NEDD4: variants seen among roughly 807,000 people sequenced by gnomAD.
The protein encoded by NEDD4 is NEDD4 E3 ubiquitin protein ligase, also known as E3 ubiquitin-protein ligase NEDD4.
NEDD4 carries 99 observed loss-of-function variants against 144.9 expected under a neutral mutation model. That is an observed-to-expected ratio of 0.68 (90% CI 0.58 to 0.81). The LOEUF (loss-of-function observed/expected upper bound fraction) is 0.81. Ranked by LOEUF, NEDD4 falls within the 30% of genes least tolerant of loss-of-function variation. The probability of loss-of-function intolerance (pLI) is 0.00; values close to 1 mark genes in which losing one functional copy is unlikely to be tolerated. For missense variants in NEDD4, 985 were observed against 1,065.9 expected, an observed-to-expected ratio of 0.92 and a Z score of 1.06; for synonymous variants, 318 against 350.6, an observed-to-expected ratio of 0.91 and a Z score of 1.04.
chr15:55,985,427 C>T (rs555821693), intron 1 of NEDD4, among the ~76,000 whole-genome samples: 49 of 152,138 alleles, frequency 3.2e-4, no homozygotes, highest in Non-Finnish European at 5.7e-4. Flanking sequence ...GAGGGGAGGA[C>T]GGCGTTGCAC....
intron 19 of NEDD4, 67 bp from the exon 20 acceptor site, chr15:55,840,794 A>G (rs781246887): frequency 6.8e-7 from 1 of 1,480,552 alleles, no homozygotes; most frequent in Non-Finnish European, 9.3e-7. Context: ...ATTACAAATA[A>G]TCTTCCTCCT....
chr15:55,923,181 C>CA (rs1438476253), intron 5 of NEDD4, among the ~76,000 whole-genome samples: 1 of 151,278 alleles, frequency 6.6e-6, no homozygotes, highest in African/African-American at 2.4e-5. Flanking sequence ...GAGATTCTGT[C>CA]AAAAAATAAT....
chr15:55,986,527 G>C (rs1039357774), intron 1 of NEDD4, among the ~76,000 whole-genome samples: 3 of 141,920 alleles, frequency 2.1e-5, no homozygotes, highest in Non-Finnish European at 4.6e-5. Context: ...ACACTAAACA[G>C]ACCCAAACAG....
chr15:55,908,016 T>C (rs1020410401), intron 5 of NEDD4, among the ~76,000 whole-genome samples: 1 of 152,160 alleles, frequency 6.6e-6, no homozygotes, highest in Admixed American at 6.5e-5. Context: ...AGAGTGCCAC[T>C]CTTCCACGCA....
intron 5 of NEDD4, among the ~76,000 whole-genome samples, chr15:55,882,708 G>A (rs1345895853): frequency 6.6e-6 from 1 of 152,206 alleles, no homozygotes; most frequent in African/African-American, 2.4e-5. Flanking sequence ...GGTCAAGGGA[G>A]TGCGTGTGCC....
At chr15:55,878,655 A>C (rs77705462) in intron 5 of NEDD4, among the ~76,000 whole-genome samples, 9 of 152,256 alleles carry the variant, frequency 5.9e-5, no homozygotes, top group African/African-American at 2.2e-4. Context: ...TACTTCTTCA[A>C]GAATGTTCAC....
chr15:55,993,580 A>C lies in NEDD4; in HGVS notation c.-25T>G, dbSNP rs1309379902. ...TTTCCGAACGCTTCCAGCAAACCGG[A>C]CGCGCTCGCCCCCGCCCAGGGCAGG... On this transcript the variant is annotated 5_prime_UTR_variant, in exon 1 of 29. Transcript: ENST00000435532. 1 of 1,589,894 alleles carries C rather than the reference A, an allele frequency of 6.3e-7. No homozygotes were observed. Among genetic ancestry groups the C allele is most frequent in the Non-Finnish European group, 8.5e-7 (1 of 1,171,020 alleles).
intron 1 of NEDD4, among the ~76,000 whole-genome samples, chr15:55,984,543 T>G (rs138138988): frequency 1.6e-3 from 247 of 152,342 alleles, no homozygotes; most frequent in African/African-American, 5.6e-3. Flanking sequence ...CACTAAAGCA[T>G]CTTTATTGAC....
chr15:55,986,749 C>A (rs1207114335), intron 1 of NEDD4, among the ~76,000 whole-genome samples: 1 of 113,684 alleles, frequency 8.8e-6, no homozygotes, highest in Non-Finnish European at 1.7e-5. Context: ...ACCACCACAC[C>A]CGGCTAATTT....
At chr15:55,858,047 A>G (rs2034264174) in intron 11 of NEDD4, among the ~76,000 whole-genome samples, 1 of 152,194 alleles carries the variant, frequency 6.6e-6, no homozygotes, top group Admixed American at 6.5e-5. Flanking sequence ...AATTATACAC[A>G]TATTTATGCT....
At chr15:55,876,081 G>A (rs2034982984) in intron 5 of NEDD4, among the ~76,000 whole-genome samples, 1 of 152,122 alleles carries the variant, frequency 6.6e-6, no homozygotes, top group Non-Finnish European at 1.5e-5. Flanking sequence ...AACAATGGAA[G>A]CCAGAAGACA....
chr15:55,934,121 C>T (rs1299978265), intron 4 of NEDD4, among the ~76,000 whole-genome samples: 1 of 152,092 alleles, frequency 6.6e-6, no homozygotes, highest in African/African-American at 2.4e-5. Flanking sequence ...CCACTGCACT[C>T]CAGCCTGGGC....
chr15:55,845,370 T>G (rs756283154), intron 18 of NEDD4, among the ~76,000 whole-genome samples: 1 of 152,226 alleles, frequency 6.6e-6, no homozygotes, highest in Non-Finnish European at 1.5e-5. Context: ...ACATTACCTA[T>G]TCTCTCTGTG....
At chr15:55,830,306 C>G (rs948918787) in intron 28 of NEDD4, among the ~76,000 whole-genome samples, 3 of 152,210 alleles carry the variant, frequency 2.0e-5, no homozygotes, top group African/African-American at 7.2e-5. Context: ...TTAGGTGGGT[C>G]TCTCTGATCT....
intron 5 of NEDD4, among the ~76,000 whole-genome samples, chr15:55,878,271 T>C (rs1425373887): frequency 1.3e-5 from 2 of 152,120 alleles, no homozygotes; most frequent in Non-Finnish European, 2.9e-5. Flanking sequence ...TTCATAATAA[T>C]AAAGAGATCA....
At chr15:55,913,763 C>G (rs1484721715) in intron 5 of NEDD4, among the ~76,000 whole-genome samples, 1 of 151,974 alleles carries the variant, frequency 6.6e-6, no homozygotes, top group Non-Finnish European at 1.5e-5. Flanking sequence ...ATACTCTTCT[C>G]AAAAGCATCC....
intron 5 of NEDD4, among the ~76,000 whole-genome samples, chr15:55,886,363 A>G (rs1160061115): frequency 1.3e-5 from 2 of 152,250 alleles, no homozygotes; most frequent in African/African-American, 4.8e-5. Flanking sequence ...ATAAATGTTT[A>G]GAGAACACTT....
At chr15:55,962,060 C>T (rs1161830168) in intron 2 of NEDD4, among the ~76,000 whole-genome samples, 2 of 152,032 alleles carry the variant, frequency 1.3e-5, no homozygotes, top group Non-Finnish European at 2.9e-5. Context: ...TCATATTTTT[C>T]TAAGTTCTTT....
At chr15:55,971,865 A>G (rs1191147087) in intron 1 of NEDD4, among the ~76,000 whole-genome samples, 2 of 152,186 alleles carry the variant, frequency 1.3e-5, no homozygotes, top group East Asian at 3.8e-4. Flanking sequence ...ACGCAGCAAG[A>G]GAAAATTAAA....
Sources: gnomAD v4.1 joint callset for allele counts (sites outside exome capture counted in the v4.1 genomes callset) on GRCh38, gnomAD v4.1.1 for gene constraint, MANE v1.5 for transcripts, NCBI Gene and HGNC (gene_info 2026-07-23, HGNC 2026-07-21) for gene names.